Variants in GRID2 observed in about 807,000 individuals in gnomAD.
GRID2 encodes glutamate receptor ionotropic, delta-2.
GRID2 carries 33 observed loss-of-function variants against 114.8 expected under a neutral mutation model. The ratio of observed to expected loss-of-function variants is 0.29; its 90% confidence interval spans 0.22 to 0.38. The LOEUF is 0.38. Ranked by LOEUF, GRID2 falls within the 10% of genes least tolerant of loss-of-function variation. GRID2 has a pLI of 1.00. For synonymous variants in GRID2, 505 were observed against 449.9 expected, an observed-to-expected ratio of 1.12 and a Z score of -1.55; for missense variants, 1,184 against 1,257.7, an observed-to-expected ratio of 0.94 and a Z score of 0.89.
intron 14 of GRID2, among the ~76,000 whole-genome samples, chr4:93,663,264 A>G (rs1723657065): frequency 1.3e-5 from 2 of 152,314 alleles, no homozygotes; most frequent in Non-Finnish European, 1.5e-5. Context: ...CATAGTGCCT[A>G]CAGCCTCCCT....
intron 1 of GRID2, among the ~76,000 whole-genome samples, chr4:92,563,696 G>T (rs1425783568): frequency 1.3e-5 from 2 of 152,006 alleles, no homozygotes; most frequent in African/African-American, 4.8e-5. Context: ...AGTCAACTCA[G>T]ATCATTTTTT....
chr4:92,748,631 T>TTTATTATTATTA (rs1560570179), intron 2 of GRID2, among the ~76,000 whole-genome samples: 1 of 125,284 alleles, frequency 8.0e-6, no homozygotes, highest in African/African-American at 3.0e-5. Flanking sequence ...TTAATTAAAT[T>TTTATTATTATTA]GTATTATTAT....
intron 2 of GRID2, among the ~76,000 whole-genome samples, chr4:92,829,347 C>G (rs1304518979): frequency 6.6e-6 from 1 of 152,058 alleles, no homozygotes; most frequent in Admixed American, 6.6e-5. Flanking sequence ...AGGTCATCAT[C>G]ACTGGTCATT....
At chr4:93,738,087 G>A (rs925813368) in intron 14 of GRID2, among the ~76,000 whole-genome samples, 1 of 152,084 alleles carries the variant, frequency 6.6e-6, no homozygotes, top group Non-Finnish European at 1.5e-5. Flanking sequence ...AGACCTGAAG[G>A]ATTAATAAAT....
intron 2 of GRID2, among the ~76,000 whole-genome samples, chr4:92,973,800 C>A (rs1394184825): frequency 2.0e-5 from 3 of 152,098 alleles, no homozygotes; most frequent in African/African-American, 7.2e-5. Flanking sequence ...AATTGTAATA[C>A]ACCTTCTAGA....
chr4:92,913,325 C>T (rs559792822), intron 2 of GRID2, among the ~76,000 whole-genome samples: 4 of 151,778 alleles, frequency 2.6e-5, no homozygotes, highest in South Asian at 2.1e-4. Flanking sequence ...TAGTGAAATA[C>T]GACAATTAGA....
chr4:93,379,810 A>C (rs552687573), intron 8 of GRID2, among the ~76,000 whole-genome samples: 1 of 152,220 alleles, frequency 6.6e-6, no homozygotes, highest in African/African-American at 2.4e-5. Context: ...TGCAAACTCA[A>C]CAACAGTTTG....
chr4:93,707,262 CT>C (rs1728086393), intron 14 of GRID2, among the ~76,000 whole-genome samples: 1 of 151,962 alleles, frequency 6.6e-6, no homozygotes, highest in Non-Finnish European at 1.5e-5. Flanking sequence ...TTTTGGAGTA[CT>C]TTGAGAAAAA....
Position 92,725,886 on chromosome 4 carries a change from T to C in GRID2, c.244+135600T>C, listed in dbSNP as rs2149320638. 1.3e-5 allele frequency among the ~76,000 whole-genome samples: 2 copies of C among 152,268 alleles called. 1 individual carries two copies. The highest frequency in any genetic ancestry group is 4.1e-4 in the South Asian group (2 of 4,832). ...GATAAAGCTTTCTGTTGGGCTTAGC[T>C]TTTATAGCAGAACATATAAAAAGCG... On this transcript the variant is annotated intron_variant, in intron 2 of 15. Coordinates refer to ENST00000282020, the MANE Select transcript of GRID2 (RefSeq NM_001510.4).
At chr4:93,210,232 T>C (rs1242660945) in intron 5 of GRID2, among the ~76,000 whole-genome samples, 1 of 151,998 alleles carries the variant, frequency 6.6e-6, no homozygotes, top group African/African-American at 2.4e-5. Context: ...ACATTTAAGG[T>C]TTTAATCCAT....
At position 92,910,760 on chromosome 4, in the gene GRID2, A is replaced by C. The variant is rs551184000; in HGVS notation, c.245-174235A>C. 3.7e-3 allele frequency among the ~76,000 whole-genome samples: 568 copies of C among 152,256 alleles called. 5 individuals are homozygous for C. Among genetic ancestry groups the C allele is most frequent in the Non-Finnish European group, 5.5e-3 (372 of 68,020 alleles). ...TGTGGCACTTGCATATAACCTATGC[A>C]TATACTCCTGTATACTTTAAATCAT... On this transcript the variant is annotated intron_variant, in intron 2 of 15. Transcript: ENST00000282020.
chr4:92,844,782 A>T (rs1743181872), intron 2 of GRID2, among the ~76,000 whole-genome samples: 1 of 152,016 alleles, frequency 6.6e-6, no homozygotes, highest in Non-Finnish European at 1.5e-5. Flanking sequence ...CACATTCCCA[A>T]ACAATCACAC....
intron 2 of GRID2, among the ~76,000 whole-genome samples, chr4:92,608,910 T>G (rs1264385451): frequency 6.6e-6 from 1 of 151,930 alleles, no homozygotes; most frequent in Admixed American, 6.6e-5. Context: ...TGAGAACTTA[T>G]AATTTGCAAA....
chr4:92,954,345 C>T (rs1752236112), intron 2 of GRID2, among the ~76,000 whole-genome samples: 1 of 152,166 alleles, frequency 6.6e-6, no homozygotes, highest in African/African-American at 2.4e-5. Flanking sequence ...GTTATACTGT[C>T]ATGACCTTAG....
rs562097763 is a variant in GRID2, at chr4:93,092,567, G to A, written c.529+7288G>A. The stretch of plus-strand genomic sequence containing the variant: ...TGTCCCATCTGTGAATGGTAGACAC[G>A]GTAAATGGTAGATCATGTCAGGCAG... On this transcript the variant is annotated intron_variant, in intron 3 of 15. Coordinates refer to ENST00000282020, the MANE Select transcript of GRID2 (RefSeq NM_001510.4). 1.5e-4 allele frequency among the ~76,000 whole-genome samples: 23 copies of A among 152,120 alleles called. No individual in the cohort carries two copies. The South Asian group carries it at 3.3e-3, about 22-fold the overall frequency.
intron 4 of GRID2, among the ~76,000 whole-genome samples, chr4:93,142,760 AAAC>A (rs1235639358): frequency 2.6e-5 from 4 of 152,360 alleles, no homozygotes; most frequent in Non-Finnish European, 1.5e-5. Flanking sequence ...TGAGGTTTCT[AAAC>A]AACGACTGTG....
At chr4:92,351,025 AAAT>A (rs1728043748) in intron 1 of GRID2, among the ~76,000 whole-genome samples, 1 of 151,818 alleles carries the variant, frequency 6.6e-6, no homozygotes, top group African/African-American at 2.4e-5. Context: ...TTTTATGGCC[AAAT>A]AATAATTTAT....
At chr4:93,318,649 A>G (rs549863208) in intron 8 of GRID2, 1 of 152,228 alleles carries the variant, frequency 6.6e-6, no homozygotes, top group East Asian at 1.9e-4. Flanking sequence ...AGCTTTATTG[A>G]GATATAATTC....
chr4:93,770,800 T>G (rs938999203), intron 15 of GRID2, among the ~76,000 whole-genome samples: 2 of 152,198 alleles, frequency 1.3e-5, no homozygotes, highest in Non-Finnish European at 2.9e-5. Flanking sequence ...TTACTCTATA[T>G]GATATTAAAA....
Sources: allele counts gnomAD v4.1 joint callset (sites outside exome capture counted in the v4.1 genomes callset), GRCh38; gene constraint gnomAD v4.1.1; transcripts MANE v1.5; gene names NCBI Gene and HGNC (gene_info 2026-07-23, HGNC 2026-07-21).